REC114: variants seen among roughly 807,000 people sequenced by gnomAD.
REC114 encodes REC114 meiotic recombination protein, also known as meiotic recombination protein REC114.
Under a neutral mutation model 31.3 loss-of-function variants are expected in REC114, and 27 were observed. The observed-to-expected ratio is 0.86, with a 90% confidence interval of 0.64 to 1.19. The LOEUF is 1.19. Among genes scored for constraint, REC114 ranks in the 50% most tolerant of loss-of-function variants. The pLI is 0.00. For missense variants in REC114, 344 were observed against 326.9 expected (o/e 1.05, Z -0.40); for synonymous variants, 134 against 127.7 (o/e 1.05, Z -0.33).
chr15:73,531,763 G>C (rs189353193), intron 2 of REC114, among the ~76,000 whole-genome samples: 13 of 152,160 alleles, frequency 8.5e-5, no homozygotes, highest in Non-Finnish European at 1.6e-4. Context: ...GCCAGCCATT[G>C]CAGGGCACAG....
chr15:73,513,942 G>A (rs1349880972), intron 2 of REC114, among the ~76,000 whole-genome samples: 1 of 152,080 alleles, frequency 6.6e-6, no homozygotes, highest in Non-Finnish European at 1.5e-5. Flanking sequence ...ACAGTGGCAG[G>A]CAGGCCTCCT....
At chr15:73,508,691 G>A (rs1315168731) in intron 2 of REC114, among the ~76,000 whole-genome samples, 69 of 144,328 alleles carry the variant, frequency 4.8e-4, no homozygotes, top group African/African-American at 1.5e-3. Flanking sequence ...GAGAATATGC[G>A]GTGTTTGGTT....
intron 3 of REC114, among the ~76,000 whole-genome samples, chr15:73,550,163 G>A (rs1317720428): frequency 1.3e-5 from 2 of 152,198 alleles, no homozygotes; most frequent in Non-Finnish European, 2.9e-5. Context: ...ACTAGGCAGA[G>A]TAGTAGACTA....
chr15:73,457,761 G>A (rs1399238047), intron 1 of REC114, among the ~76,000 whole-genome samples: 1 of 152,194 alleles, frequency 6.6e-6, no homozygotes, highest in Non-Finnish European at 1.5e-5. Context: ...GCCAGAAGAG[G>A]AAGTCTATAG....
intron 2 of REC114, among the ~76,000 whole-genome samples, chr15:73,506,003 A>C (rs1893670788): frequency 6.6e-6 from 1 of 152,152 alleles, no homozygotes. Context: ...TGCAGAGCAC[A>C]TCCTTTCTGA....
chr15:73,466,121 G>A (rs762855477), intron 1 of REC114, among the ~76,000 whole-genome samples: 3 of 151,910 alleles, frequency 2.0e-5, no homozygotes, highest in Non-Finnish European at 4.4e-5. Flanking sequence ...AAAGTGCTGG[G>A]ATTACAGGCA....
intron 1 of REC114, among the ~76,000 whole-genome samples, chr15:73,465,462 CCTT>C (rs1351149265): frequency 3.9e-5 from 6 of 152,200 alleles, no homozygotes. Flanking sequence ...TCAAGCCTCA[CCTT>C]CTCAGATGCC....
intron 2 of REC114, among the ~76,000 whole-genome samples, chr15:73,514,703 T>C (rs927558127): frequency 9.9e-5 from 15 of 152,018 alleles, no homozygotes; most frequent in Non-Finnish European, 1.6e-4. Context: ...AGGTAGCAGT[T>C]TGAAAAAAAC....
chr15:73,458,021 T>C (rs777101601), intron 1 of REC114, among the ~76,000 whole-genome samples: 5 of 152,166 alleles, frequency 3.3e-5, no homozygotes, highest in Non-Finnish European at 7.3e-5. Context: ...GGGTGCTTCT[T>C]GAAAATGCAG....
At chr15:73,556,233 T>G (rs2078491136) in intron 4 of REC114, 69 bp from the exon 5 acceptor site, 2 of 1,342,708 alleles carry the variant, frequency 1.5e-6, no homozygotes, top group Non-Finnish European at 2.1e-6. Flanking sequence ...ATATTTCTGC[T>G]CTTTAATGGC....
intron 1 of REC114, among the ~76,000 whole-genome samples, chr15:73,455,820 G>A (rs1314531923): frequency 6.6e-6 from 1 of 152,102 alleles, no homozygotes; most frequent in African/African-American, 2.4e-5. Context: ...AATCATCTGA[G>A]GGTTTTGTTA....
At chr15:73,538,898 TAA>T (rs879777585) in intron 2 of REC114, among the ~76,000 whole-genome samples, 11 of 140,848 alleles carry the variant, frequency 7.8e-5, no homozygotes, top group Middle Eastern at 3.7e-3. Flanking sequence ...ATCTTATGTT[TAA>T]AAAAAAAAAA....
intron 1 of REC114, among the ~76,000 whole-genome samples, chr15:73,453,799 A>T (rs1300560456): frequency 6.6e-6 from 1 of 152,190 alleles, no homozygotes; most frequent in Non-Finnish European, 1.5e-5. Context: ...ATAAAAAAGG[A>T]TGAGTTCATG....
Position 73,556,325 on chromosome 15 carries a change from G to T in REC114, c.570G>T (p.Gln190His). The T allele has an allele frequency of 6.2e-7, 1 of 1,613,828 alleles. No individual in the cohort carries two copies. Among genetic ancestry groups the T allele is most frequent in the Non-Finnish European group, 8.5e-7 (1 of 1,179,776 alleles). The change falls in exon 5 of 6, where the codon CAG becomes CAT. Residue 190 changes from glutamine (Q) to histidine (H), a missense_variant. Physicochemically the swap from Gln to His is conservative, Grantham distance 24. Transcript: ENST00000331090. ...AGTCCCACCAGCACTCAGAACAACA[G>T]CAAGTGTGTGTAACAGCGGGCACAG... Reference protein sequence around the residue: ...QPGSHQHSEQQQVCVTAGTGA... With the variant: ...QPGSHQHSEQHQVCVTAGTGA...
chr15:73,513,929 C>CCTA (rs1378938550), intron 2 of REC114, among the ~76,000 whole-genome samples: 2 of 152,034 alleles, frequency 1.3e-5, no homozygotes, highest in Non-Finnish European at 2.9e-5. Flanking sequence ...AGAGGTGAAG[C>CCTA]CTACAGTGGC....
rs1205136761 is a variant in REC114, at chr15:73,511,244, G to T, written c.250-29241G>T. ...GTTTATTTGCGTAGAGGTGTTTGTA[G>T]TATTCTCTGATGGTAGTTTGTATTT... On this transcript the variant is annotated intron_variant, in intron 2 of 5. Transcript: ENST00000331090. Among the ~76,000 whole-genome samples the T allele has an allele frequency of 2.4e-4, 36 of 152,260 alleles. 1 individual carries two copies. In the South Asian group the frequency reaches 7.5e-3, roughly 32 times the overall value.
At chr15:73,459,418 G>C (rs546981102) in intron 1 of REC114, among the ~76,000 whole-genome samples, 1 of 151,892 alleles carries the variant, frequency 6.6e-6, no homozygotes, top group South Asian at 2.1e-4. Context: ...TTTTTCAGTA[G>C]AGACGGTTTC....
intron 2 of REC114, among the ~76,000 whole-genome samples, chr15:73,480,990 A>T (rs1019690427): frequency 6.6e-6 from 1 of 152,142 alleles, no homozygotes; most frequent in Non-Finnish European, 1.5e-5. Context: ...TTTTTCATAA[A>T]AGGTAGAGAC....
chr15:73,535,371 T>C (rs1472450841), intron 2 of REC114, among the ~76,000 whole-genome samples: 1 of 152,086 alleles, frequency 6.6e-6, no homozygotes, highest in African/African-American at 2.4e-5. Flanking sequence ...TCACATGCAT[T>C]CTTATACACC....
Sources: allele counts gnomAD v4.1 joint callset (sites outside exome capture counted in the v4.1 genomes callset), GRCh38; gene constraint gnomAD v4.1.1; transcripts MANE v1.5; gene names NCBI Gene and HGNC (gene_info 2026-07-23, HGNC 2026-07-21).